Variants in CFAP58 observed in about 807,000 individuals in gnomAD.
CFAP58 encodes the protein cilia and flagella associated protein 58.
A neutral mutation model predicts 119.5 loss-of-function variants in CFAP58; 88 were observed. The ratio of observed to expected loss-of-function variants is 0.74; its 90% CI spans 0.62 to 0.88. The LOEUF (loss-of-function observed/expected upper bound fraction) is 0.88, where lower values mean the gene tolerates loss of function less well. Ranked by LOEUF, CFAP58 falls within the 40% of genes least tolerant of loss-of-function variation. CFAP58 has a pLI of 0.00. For synonymous variants in CFAP58, 365 were observed against 366.3 expected, an observed-to-expected ratio of 1.00 and a Z score of 0.04; for missense variants, 990 against 1,021.2, an observed-to-expected ratio of 0.97 and a Z score of 0.42.
chr10:104,452,827 C>T (rs1252723831), intron 17 of CFAP58, among the ~76,000 whole-genome samples: 1 of 152,144 alleles, frequency 6.6e-6, no homozygotes, highest in Non-Finnish European at 1.5e-5. Context: ...TCCTTACACG[C>T]TTATTACTAG....
intron 9 of CFAP58, among the ~76,000 whole-genome samples, chr10:104,383,984 G>A (rs1455556616): frequency 6.6e-6 from 1 of 152,006 alleles, no homozygotes; most frequent in Non-Finnish European, 1.5e-5. Flanking sequence ...AATAAGAAAT[G>A]GAGAGATTTA....
Position 104,364,752 on chromosome 10 carries a change from T to C in CFAP58, c.460T>C (p.Phe154Leu). Residue 154 changes from phenylalanine (F) to leucine (L), a missense_variant, in exon 4 of 18, where the codon TTC (phenylalanine) becomes CTC (leucine). Transcript: ENST00000369704. ...QHSNIRDLLRFKEEVTKERDQ... is the reference protein window; with the variant it reads ...QHSNIRDLLRLKEEVTKERDQ... ...TTTTAGCATCCGAGATTTACTGAGGTTCAAAGAAGAAGTGACAAAGGAGAG... is the reference window on the plus strand; with the variant it reads ...TTTTAGCATCCGAGATTTACTGAGGCTCAAAGAAGAAGTGACAAAGGAGAG... 1 of 1,600,766 alleles carries C rather than the reference T, an allele frequency of 6.2e-7. No individual in the cohort carries two copies. Among genetic ancestry groups the C allele is most frequent in the South Asian group, 1.1e-5 (1 of 90,386 alleles).
chr10:104,400,836 G>C lies in CFAP58; in HGVS notation c.1972G>C (p.Glu658Gln). The C allele has an allele frequency of 6.2e-7, 1 of 1,614,158 alleles. No individual in the cohort carries two copies. The highest frequency in any genetic ancestry group is 8.5e-7 in the Non-Finnish European group (1 of 1,180,012). Residue 658 changes from glutamate to glutamine, a missense_variant, in exon 13 of 18, where the codon GAG (glutamate) becomes CAG (glutamine). Transcript: ENST00000369704. ...RLEDMRILRL[E>Q]IKKLRREKGI... is the part of the protein sequence containing the mutation. ...GGAGGACATGAGAATCCTCAGACTT[G>C]AGATCAAGAAGCTTCGCCGGGAAAA...
At chr10:104,433,207 C>T (rs2012877697) in intron 15 of CFAP58, among the ~76,000 whole-genome samples, 1 of 152,226 alleles carries the variant, frequency 6.6e-6, no homozygotes, top group Non-Finnish European at 1.5e-5. Context: ...CATCCACCTG[C>T]CTCAGCCTCC....
upstream of CFAP58, among the ~76,000 whole-genome samples, chr10:104,352,532 T>G (rs2135235343): frequency 6.6e-6 from 1 of 152,296 alleles, no homozygotes; most frequent in Admixed American, 6.5e-5. Flanking sequence ...GTAGAGACAG[T>G]TTTTCAGCCT....
At chr10:104,354,392 C>T (rs755157270) in intron 1 of CFAP58, among the ~76,000 whole-genome samples, 1 of 152,148 alleles carries the variant, frequency 6.6e-6, no homozygotes, top group African/African-American at 2.4e-5. Flanking sequence ...CATTAAGGCT[C>T]TTCTGCCCAT....
At chr10:104,433,027 C>T (rs1313375267) in intron 15 of CFAP58, among the ~76,000 whole-genome samples, 9 of 152,118 alleles carry the variant, frequency 5.9e-5, no homozygotes, top group Non-Finnish European at 1.2e-4. Flanking sequence ...ATGGCTTTGC[C>T]TAAACCAATG....
intron 6 of CFAP58, 27 bp from the exon 7 acceptor site, chr10:104,370,868 T>C (rs752226101): frequency 1.9e-6 from 3 of 1,588,712 alleles, no homozygotes; most frequent in East Asian, 4.5e-5. Flanking sequence ...ACAAAGTGAC[T>C]CATTAATTCT....
chr10:104,357,806 CAT>C (rs200597438), intron 1 of CFAP58, among the ~76,000 whole-genome samples: 3,848 of 145,466 alleles, frequency 0.026, 291 homozygotes, highest in African/African-American at 0.083. Flanking sequence ...TATATACACA[CAT>C]ATATATGTAC....
chr10:104,436,823 T>C (rs1338685320), intron 15 of CFAP58, among the ~76,000 whole-genome samples: 1 of 152,206 alleles, frequency 6.6e-6, no homozygotes, highest in African/African-American at 2.4e-5. Context: ...GTACCTCCTT[T>C]CTAGGCTGGT....
chr10:104,383,515 C>T (rs2011859672), intron 9 of CFAP58, among the ~76,000 whole-genome samples: 1 of 152,056 alleles, frequency 6.6e-6, no homozygotes, highest in Admixed American at 6.6e-5. Flanking sequence ...ATTCGGATAC[C>T]AAGTTTTTTT....
Position 104,424,805 on chromosome 10 carries a change from G to T in CFAP58, c.2256+18012G>T, listed in dbSNP as rs150677066. ...TTTAAAACTGCTGTGCATACCAAAA[G>T]AATAAGAGCAGGGGAGATGAGTAAG... On this transcript the variant is annotated intron_variant, in intron 15 of 17. Coordinates refer to ENST00000369704, the MANE Select transcript of CFAP58 (RefSeq NM_001008723.2). 3.9e-3 allele frequency among the ~76,000 whole-genome samples: 589 copies of T among 152,310 alleles called. 5 individuals are homozygous for T. The highest frequency in any genetic ancestry group is 0.014 in the African/African-American group (567 of 41,570).
At chr10:104,426,743 C>T (rs915894434) in intron 15 of CFAP58, among the ~76,000 whole-genome samples, 1 of 152,062 alleles carries the variant, frequency 6.6e-6, no homozygotes, top group African/African-American at 2.4e-5. Context: ...TGGTTATTGC[C>T]GGCATGTTGA....
At chr10:104,386,369 C>A (rs1406946433) in intron 9 of CFAP58, among the ~76,000 whole-genome samples, 2 of 142,112 alleles carry the variant, frequency 1.4e-5, no homozygotes, top group African/African-American at 2.7e-5. Context: ...AAGAGTGAAC[C>A]ACCATCTCAA....
chr10:104,447,096 C>T lies in CFAP58; in HGVS notation c.2257-602C>T, dbSNP rs150555476. 6.0e-3 allele frequency among the ~76,000 whole-genome samples: 916 copies of T among 151,836 alleles called. 10 individuals carry two copies. The highest frequency in any genetic ancestry group is 0.02 in the African/African-American group (832 of 41,370). ...CCTCGATCTCCTGGGCTCAAATGATCTTCTCACCTCAGCCTCCTAAGTAGC... is the reference window on the plus strand; with the variant it reads ...CCTCGATCTCCTGGGCTCAAATGATTTTCTCACCTCAGCCTCCTAAGTAGC... On this transcript the variant is annotated intron_variant, in intron 15 of 17. Coordinates refer to ENST00000369704, the MANE Select transcript of CFAP58 (RefSeq NM_001008723.2).
intron 17 of CFAP58, 119 bp downstream of exon 17, chr10:104,450,323 C>A: frequency 9.7e-7 from 1 of 1,026,064 alleles, no homozygotes; most frequent in Middle Eastern, 2.3e-4. Flanking sequence ...ACAGGGTAAA[C>A]AAATGACATT....
chr10:104,353,775 G>A, upstream of CFAP58: 2 of 1,207,078 alleles, frequency 1.7e-6, no homozygotes, highest in Non-Finnish European at 2.3e-6. Flanking sequence ...CGCCGAGCGC[G>A]GGTTTCCGCT....
rs1388767254 is a variant in CFAP58 at position 104,421,312 on chromosome 10, C to T, written c.2256+14519C>T. On this transcript the variant is annotated intron_variant, in intron 15 of 17. Transcript: ENST00000369704. ...TTCTAAGACTCCTTTTCCCTTCCAC[C>T]TCTCCACACCCATGAATGGAAAAGG... 3.3e-5 allele frequency among the ~76,000 whole-genome samples: 5 copies of T among 152,104 alleles called. No homozygotes were observed. In the East Asian group the frequency reaches 9.7e-4, roughly 29 times the overall value.
intron 9 of CFAP58, among the ~76,000 whole-genome samples, chr10:104,386,977 C>T (rs1268516193): frequency 4.6e-5 from 7 of 152,208 alleles, no homozygotes. Context: ...CAACATTTGC[C>T]TTCGTGTTCT....
Sources: allele counts gnomAD v4.1 joint callset (sites outside exome capture counted in the v4.1 genomes callset), GRCh38; gene constraint gnomAD v4.1.1; transcripts MANE v1.5; gene names NCBI Gene and HGNC (gene_info 2026-07-23, HGNC 2026-07-21).